COL12A1: variants seen among roughly 807,000 people sequenced by gnomAD.
The protein encoded by COL12A1 is collagen type XII alpha 1 chain.
In COL12A1, 114 loss-of-function variants were observed where a neutral mutation model predicts 349.7. The ratio of observed to expected loss-of-function variants is 0.33; its 90% CI spans 0.28 to 0.38. The LOEUF is 0.38. Ranked by LOEUF, COL12A1 falls within the 10% of genes least tolerant of loss-of-function variation. The pLI is 1.00. For missense variants in COL12A1, 3,284 were observed against 3,756.9 expected (o/e 0.87, Z 3.29); for synonymous variants, 1,369 against 1,329.0 (o/e 1.03, Z -0.66).
intron 60 of COL12A1, among the ~76,000 whole-genome samples, chr6:75,094,317 T>G (rs1351561446): frequency 6.6e-6 from 1 of 152,196 alleles, no homozygotes; most frequent in Non-Finnish European, 1.5e-5. Context: ...TTGGACTTAA[T>G]TGTCTTTAAG....
In COL12A1 at chr6:75,180,904, T is replaced by TG. The variant is rs201467556; in HGVS notation, c.2164+34_2164+35insC. 3,923 of 1,588,868 alleles carry TG rather than the reference T, an allele frequency of 2.5e-3. 85 individuals are homozygous for TG. The African/African-American group carries it at 0.046, about 19-fold the overall frequency. ...ACTTTGTAGTGCAATAAATTATTCA[T>TG]TTTCTGAATAACAGTGGCAGAAACC... On this transcript the variant is annotated intron_variant, in intron 11 of 65. Coordinates refer to ENST00000322507, the MANE Select transcript of COL12A1 (RefSeq NM_004370.6).
rs751657895 is a variant in COL12A1, at chr6:75,143,278, T to C, written c.4801A>G (p.Lys1601Glu). The C allele has an allele frequency of 1.9e-6, 3 of 1,613,898 alleles. No homozygotes were observed. In the African/African-American group the frequency reaches 4.0e-5, roughly 22 times the overall value. Reference sequence around the variant, plus strand: ...TCTTTGACATCCTCTTCTGGTGTTTTGTATCGAACAATATATTTACGCACT... The same window carrying C: ...TCTTTGACATCCTCTTCTGGTGTTTCGTATCGAACAATATATTTACGCACT... Reference protein sequence around the residue: ...GKVRKYIVRYKTPEEDVKEVE... With the variant: ...GKVRKYIVRYETPEEDVKEVE... Residue 1601 changes from lysine to glutamate, a missense_variant, in exon 26 of 66, where the codon AAA becomes GAA. Transcript: ENST00000322507.
Position 75,119,340 on chromosome 6 carries a change from A to G in COL12A1, c.7210+10T>C. ...ATGCTTGAAGAGTAAAGGTCTACATATACACATACCTGTTCTTGTGTTTCC... is the reference window on the plus strand; with the variant it reads ...ATGCTTGAAGAGTAAAGGTCTACATGTACACATACCTGTTCTTGTGTTTCC... On this transcript the variant is annotated intron_variant, in intron 45 of 65. Transcript: ENST00000322507. 6.2e-7 allele frequency: 1 copy of G among 1,611,824 alleles called. No homozygotes were observed. The highest frequency in any genetic ancestry group is 8.5e-7 in the Non-Finnish European group (1 of 1,178,910).
chr6:75,183,557 A>T lies in COL12A1; in HGVS notation c.1384T>A (p.Phe462Ile), dbSNP rs757361403. Residue 462 changes from phenylalanine (F) to isoleucine (I), a missense_variant, in exon 10 of 66, where the codon TTT (phenylalanine) becomes ATT (isoleucine). By Grantham distance (21) the Phe-to-Ile change is conservative. Around this residue, in one of 2 missense-constraint regions of COL12A1, gnomAD observed 2,601 missense variants for 2,824.8 expected, o/e 0.92. Coordinates refer to ENST00000322507, the MANE Select transcript of COL12A1 (RefSeq NM_004370.6). ...GIANFVKVRA[F>I]LEVLVKSFEI... ...AAACTTTTTACAAGAACTTCCAAAA[A>T]GGCTCTAACTTTAACAAAGTTTGCA... is the stretch of plus-strand genomic sequence containing the variant. The T allele has an allele frequency of 6.2e-6, 10 of 1,614,096 alleles. No individual in the cohort carries two copies. Among genetic ancestry groups the T allele is most frequent in the Non-Finnish European group, 2.5e-6 (3 of 1,180,048 alleles).
chr6:75,148,381 C>T lies in COL12A1; in HGVS notation c.4264G>A (p.Val1422Ile). The part of the protein sequence containing the change: ...VDRYKVEYYP[V>I]SGGKRQEFYV... ...ACTTCTTGACGTTTCCCTCCAGAAA[C>T]TGGATAGTATTCCACCTTATATCGA... The change falls in exon 22 of 66, where the codon GTT becomes ATT. Residue 1422 changes from valine to isoleucine, a missense_variant. Val to Ile is a conservative substitution (Grantham distance 29). Coordinates refer to ENST00000322507, the MANE Select transcript of COL12A1 (RefSeq NM_004370.6). 1 of 1,612,106 alleles carries T rather than the reference C, an allele frequency of 6.2e-7. No individual in the cohort carries two copies. Among genetic ancestry groups the T allele is most frequent in the Non-Finnish European group, 8.5e-7 (1 of 1,178,940 alleles).
chr6:75,119,450 A>C lies in COL12A1; in HGVS notation c.7110T>G (p.Asp2370Glu), dbSNP rs1769247538. ...GIQVSFVQYSDEVKSEFKLNT... is the reference protein window; with the variant it reads ...GIQVSFVQYSEEVKSEFKLNT... ...TCAGCTTGAACTCAGACTTGACCTC[A>C]TCGCTGTATTGCACAAATGAAACCT... Residue 2370 changes from aspartate (D) to glutamate (E), a missense_variant, in exon 45 of 66, where the codon GAT becomes GAG. Around this residue, in one of 2 missense-constraint regions of COL12A1, gnomAD observed 683 missense variants for 932.1 expected, o/e 0.73. Transcript: ENST00000322507. The C allele has an allele frequency of 6.2e-7, 1 of 1,613,024 alleles. No individual in the cohort carries two copies. Among genetic ancestry groups the C allele is most frequent in the Non-Finnish European group, 8.5e-7 (1 of 1,179,610 alleles).
At chr6:75,151,495 G>C (rs1582138208) in intron 20 of COL12A1, among the ~76,000 whole-genome samples, 1 of 151,986 alleles carries the variant, frequency 6.6e-6, no homozygotes, top group Non-Finnish European at 1.5e-5. Context: ...TTTTAAATTG[G>C]CTTCTTCTAA....
At chr6:75,199,770 A>C (rs1173494058) in intron 2 of COL12A1, among the ~76,000 whole-genome samples, 1 of 152,232 alleles carries the variant, frequency 6.6e-6, no homozygotes, top group Non-Finnish European at 1.5e-5. Context: ...AAGTGAAAAA[A>C]TCATTTCCAC....
chr6:75,114,326 A>T lies in COL12A1; in HGVS notation c.7698-582T>A, dbSNP rs1040138029. Among the ~76,000 whole-genome samples the T allele has an allele frequency of 2.6e-5, 4 of 151,924 alleles. No homozygotes were observed. The East Asian group carries it at 7.7e-4, about 29-fold the overall frequency. ...TCATATATTCCCAAAAACAAAATCC[A>T]TTTTAAATATGAAGGCCATATACAT... On this transcript the variant is annotated intron_variant, in intron 49 of 65. Transcript: ENST00000322507.
At chr6:75,105,749 T>C (rs1160016688) in intron 53 of COL12A1, among the ~76,000 whole-genome samples, 2 of 152,224 alleles carry the variant, frequency 1.3e-5, no homozygotes, top group Non-Finnish European at 2.9e-5. Context: ...TGATTTGTTA[T>C]GCATCCTAGG....
intron 33 of COL12A1, 28 bp from the exon 34 acceptor site, chr6:75,133,450 T>C: frequency 1.3e-6 from 2 of 1,588,694 alleles, no homozygotes; most frequent in African/African-American, 1.4e-5. Flanking sequence ...ACAAAAAGCA[T>C]TGACTTGAAA....
chr6:75,166,139 CT>C (rs1768295499), intron 13 of COL12A1, among the ~76,000 whole-genome samples: 1 of 152,068 alleles, frequency 6.6e-6, no homozygotes, highest in Non-Finnish European at 1.5e-5. Flanking sequence ...ACATTTTTGT[CT>C]GCCTTGTGAC....
intron 7 of COL12A1, 80 bp downstream of exon 7, chr6:75,189,137 G>T: frequency 7.0e-7 from 1 of 1,426,178 alleles, no homozygotes; most frequent in Non-Finnish European, 9.5e-7. Flanking sequence ...CTTCCTTGAG[G>T]AATCAATCTT....
chr6:75,130,171 C>T lies in COL12A1; in HGVS notation c.6130G>A (p.Ala2044Thr), dbSNP rs759743804. 3.7e-6 allele frequency: 6 copies of T among 1,614,080 alleles called. No individual in the cohort carries two copies. Among genetic ancestry groups the T allele is most frequent in the Admixed American group, 1.7e-5 (1 of 60,018 alleles). Residue 2044 changes from alanine (A) to threonine (T), a missense_variant, in exon 37 of 66, where the codon GCC becomes ACC. Transcript: ENST00000322507. ...ACTGGCCCATCAGCATGATCCCAGG[C>T]TACCGAGAGGCTATTGGTTGTTTCA... Reference protein sequence around the residue: ...FGETTNSLSVAWDHADGPVQQ... With the variant: ...FGETTNSLSVTWDHADGPVQQ...
At chr6:75,195,624 T>A (rs930678598) in intron 2 of COL12A1, among the ~76,000 whole-genome samples, 1 of 152,146 alleles carries the variant, frequency 6.6e-6, no homozygotes, top group African/African-American at 2.4e-5. Context: ...AAATAAGTGA[T>A]GTTAATTTAT....
intron 27 of COL12A1, among the ~76,000 whole-genome samples, chr6:75,140,655 CAA>C (rs1236499281): frequency 1.0e-3 from 47 of 46,120 alleles, no homozygotes; most frequent in Middle Eastern, 0.011. Context: ...GACTCTGTCT[CAA>C]AAAAAAAAAA....
intron 14 of COL12A1, among the ~76,000 whole-genome samples, chr6:75,164,368 C>G (rs1243817505): frequency 6.6e-6 from 1 of 152,138 alleles, no homozygotes; most frequent in Non-Finnish European, 1.5e-5. Context: ...GCACTTCTCC[C>G]TCTCTCTTCC....
intron 63 of COL12A1, among the ~76,000 whole-genome samples, chr6:75,089,375 G>T (rs1767650994): frequency 6.6e-6 from 1 of 152,018 alleles, no homozygotes; most frequent in African/African-American, 2.4e-5. Flanking sequence ...GAAAAAATTT[G>T]GCTACAAGGC....
In COL12A1 at chr6:75,183,899, G is replaced by T; in HGVS notation, c.1243C>A (p.Pro415Thr). Residue 415 changes from proline (P) to threonine (T), a missense_variant, in exon 9 of 66, where the codon CCC becomes ACC. This residue lies in a region of COL12A1 where 2,601 missense variants were observed against 2,824.8 expected (regional missense o/e 0.92). Transcript: ENST00000322507. ...SAMKGMTSSEPISIMEKTQPM... is the reference protein window; with the variant it reads ...SAMKGMTSSETISIMEKTQPM... ...TGAGTCTTCTCCATTATTGAAATGG[G>T]TTCACTGGATGTCATTCCCTTCATG... 2 of 1,614,128 alleles carry T rather than the reference G, an allele frequency of 1.2e-6. No homozygotes were observed. Among genetic ancestry groups the T allele is most frequent in the South Asian group, 1.1e-5 (1 of 91,088 alleles).
Sources: allele counts gnomAD v4.1 joint callset (sites outside exome capture counted in the v4.1 genomes callset), GRCh38; gene constraint gnomAD v4.1.1; regional missense constraint gnomAD v4.1.1; transcripts MANE v1.5; gene names NCBI Gene and HGNC (gene_info 2026-07-23, HGNC 2026-07-21).